SLC12A8: variants seen among roughly 807,000 people sequenced by gnomAD.
SLC12A8 encodes cation-chloride cotransporter 9.
SLC12A8 carries 69 observed loss-of-function variants against 75.6 expected under a neutral mutation model. The observed-to-expected ratio is 0.91, with a 90% CI of 0.75 to 1.11. SLC12A8 has a LOEUF of 1.11. Among genes scored for constraint, SLC12A8 ranks in the 50% most tolerant of loss-of-function variants. The probability of loss-of-function intolerance (pLI) is 0.00; values close to 1 mark genes in which losing one functional copy is unlikely to be tolerated. For missense variants in SLC12A8, 877 were observed against 896.7 expected (o/e 0.98, Z 0.28); for synonymous variants, 365 against 372.8 (o/e 0.98, Z 0.24).
intron 6 of SLC12A8, among the ~76,000 whole-genome samples, chr3:125,129,348 G>GGAGAAGGAATGCACTTT (rs536986298): frequency 3.3e-5 from 5 of 152,184 alleles, no homozygotes; most frequent in African/African-American, 7.2e-5. Context: ...AGTGGAGCTT[G>GGAGAAGGAATGCACTTT]GAGAAGGAAT....
chr3:125,212,273 G>A (rs768927691), intron 1 of SLC12A8, among the ~76,000 whole-genome samples: 14 of 152,110 alleles, frequency 9.2e-5, no homozygotes, highest in Non-Finnish European at 1.8e-4. Flanking sequence ...TTGGTGGGCT[G>A]CAGTCCTGCC....
chr3:125,128,306 A>G (rs1382259536), intron 6 of SLC12A8, among the ~76,000 whole-genome samples: 7 of 136,352 alleles, frequency 5.1e-5, no homozygotes, highest in South Asian at 2.4e-4. Flanking sequence ...TCAGCCTCCC[A>G]AGTAGCTGGG....
chr3:125,111,815 G>T (rs1051554603), intron 8 of SLC12A8, among the ~76,000 whole-genome samples: 3 of 152,134 alleles, frequency 2.0e-5, no homozygotes, highest in Non-Finnish European at 4.4e-5. Flanking sequence ...CTTTAAAAAA[G>T]AATATATTTG....
At chr3:125,130,755 G>A (rs1346623761) in intron 6 of SLC12A8, among the ~76,000 whole-genome samples, 1 of 152,234 alleles carries the variant, frequency 6.6e-6, no homozygotes, top group Non-Finnish European at 1.5e-5. Flanking sequence ...CCTGGAGGGA[G>A]AAGCTGGAGG....
intron 2 of SLC12A8, among the ~76,000 whole-genome samples, chr3:125,199,637 T>C (rs541034205): frequency 4.0e-5 from 6 of 150,138 alleles, no homozygotes; most frequent in East Asian, 2.0e-4. Flanking sequence ...TCCCAGCTAC[T>C]TGGAAGGCTG....
At chr3:125,189,127 T>A (rs1934858125) in intron 3 of SLC12A8, among the ~76,000 whole-genome samples, 1 of 152,230 alleles carries the variant, frequency 6.6e-6, no homozygotes, top group African/African-American at 2.4e-5. Flanking sequence ...GTAAAGGAGA[T>A]TACCCTCCAT....
chr3:125,190,324 T>C (rs763995211), intron 3 of SLC12A8, 51 bp downstream of exon 3: 42 of 1,601,576 alleles, frequency 2.6e-5, no homozygotes, highest in Non-Finnish European at 3.3e-5. Context: ...GTGGCAGAGC[T>C]TTCCTGTCTT....
At chr3:125,088,184 T>G in intron 13 of SLC12A8, 126 bp downstream of exon 13, 1 of 825,082 alleles carries the variant, frequency 1.2e-6, no homozygotes, top group Non-Finnish European at 2.0e-6. Flanking sequence ...CTCCCGGAGG[T>G]GCCCAGTTGT....
At chr3:125,149,819 G>A (rs1016310258) in intron 5 of SLC12A8, among the ~76,000 whole-genome samples, 2 of 152,102 alleles carry the variant, frequency 1.3e-5, no homozygotes, top group Non-Finnish European at 2.9e-5. Context: ...AGGAAGAAAG[G>A]ATGAGGCACA....
intron 6 of SLC12A8, among the ~76,000 whole-genome samples, chr3:125,128,553 C>T (rs1560061003): frequency 1.3e-5 from 2 of 150,480 alleles, no homozygotes; most frequent in Admixed American, 6.6e-5. Context: ...AATCTTGGCT[C>T]ACCGCAACCT....
chr3:125,175,131 T>A (rs1934491688), intron 5 of SLC12A8, among the ~76,000 whole-genome samples: 1 of 152,222 alleles, frequency 6.6e-6, no homozygotes. Context: ...TTAATTTTTT[T>A]TAAAAAAGTA....
rs564182097 is a variant in SLC12A8 at position 125,087,935 on chromosome 3, G to A, written c.1982+375C>T. 2.2e-4 allele frequency: 39 copies of A among 180,206 alleles called. 1 individual carries two copies. In the South Asian group the frequency reaches 2.6e-3, roughly 12 times the overall value. The allele number at this position is 180,206 out of a possible 1,614,324, so 11.2% of individuals were successfully genotyped here. On this transcript the variant is annotated intron_variant, in intron 13 of 13. Coordinates refer to ENST00000469902, the MANE Select transcript of SLC12A8 (RefSeq NM_024628.6). ...CAGATGGAAGAATGTGCTTCCTGGCGTTACATTTCCCTTGGGCTTTAATCT... is the reference window on the plus strand; with the variant it reads ...CAGATGGAAGAATGTGCTTCCTGGCATTACATTTCCCTTGGGCTTTAATCT...
intron 5 of SLC12A8, among the ~76,000 whole-genome samples, chr3:125,170,299 C>G (rs895506314): frequency 1.3e-5 from 2 of 152,222 alleles, no homozygotes; most frequent in African/African-American, 4.8e-5. Context: ...AAGCAATGAT[C>G]CTGCAGAAAT....
chr3:125,092,349 GT>G (rs143168199), intron 10 of SLC12A8, 151 bp from the exon 11 acceptor site: 18,466 of 542,732 alleles, frequency 0.034, 444 homozygotes, highest in Admixed American at 0.067. Flanking sequence ...GAAGAAAGAA[GT>G]GTTTATGGCC....
intron 8 of SLC12A8, among the ~76,000 whole-genome samples, chr3:125,115,800 A>G (rs917029325): frequency 3.3e-5 from 5 of 151,492 alleles, no homozygotes; most frequent in African/African-American, 1.2e-4. Context: ...ACCCTGTCTC[A>G]GTGTCCAGAG....
intron 10 of SLC12A8, among the ~76,000 whole-genome samples, chr3:125,097,388 CA>C (rs60567364): frequency 0.1 from 13,976 of 138,296 alleles, 904 homozygotes; most frequent in African/African-American, 0.19. Context: ...GACTCTGTCT[CA>C]AAAAAAAAAA....
At position 125,211,364 on chromosome 3, in the gene SLC12A8, G is replaced by A. The variant is rs375093981; in HGVS notation, c.-15C>T. Reference sequence around the variant, plus strand: ...ATCTGGGTCATTCTCCAGCAAGCAGGGATCCTGGTGATCTGGACAGGGAGA... The same window carrying A: ...ATCTGGGTCATTCTCCAGCAAGCAGAGATCCTGGTGATCTGGACAGGGAGA... On this transcript the variant is annotated 5_prime_UTR_variant, in exon 2 of 14. Transcript: ENST00000469902. 5.0e-5 allele frequency: 80 copies of A among 1,612,540 alleles called. No homozygotes were observed. The highest frequency in any genetic ancestry group is 6.5e-5 in the Non-Finnish European group (77 of 1,178,974).
chr3:125,205,664 T>C (rs535726654), intron 2 of SLC12A8, among the ~76,000 whole-genome samples: 2 of 152,354 alleles, frequency 1.3e-5, no homozygotes, highest in African/African-American at 4.8e-5. Context: ...CCTCTTGTCT[T>C]CTGCTGCCTT....
At chr3:125,161,365 C>A (rs1934163218) in intron 5 of SLC12A8, among the ~76,000 whole-genome samples, 1 of 152,224 alleles carries the variant, frequency 6.6e-6, no homozygotes, top group Admixed American at 6.5e-5. Flanking sequence ...CTAAATTTGT[C>A]TTGCCTGGCG....
Sources: gnomAD v4.1 joint callset for allele counts (sites outside exome capture counted in the v4.1 genomes callset) on GRCh38, gnomAD v4.1.1 for gene constraint, MANE v1.5 for transcripts, NCBI Gene and HGNC (gene_info 2026-07-23, HGNC 2026-07-21) for gene names.